The following EEPD1 variants were observed in gnomAD, a reference collection of about 807,000 sequenced individuals.
EEPD1 encodes the protein endonuclease/exonuclease/phosphatase family domain-containing protein 1.
In EEPD1, 17 loss-of-function variants were observed where a neutral mutation model predicts 46.3. The observed-to-expected ratio is 0.37, with a 90% CI of 0.25 to 0.55. EEPD1 has a LOEUF of 0.55. Ranked by LOEUF, EEPD1 falls within the 20% of genes least tolerant of loss-of-function variation. The pLI is 0.83. For synonymous variants in EEPD1, 313 were observed against 315.6 expected (o/e 0.99, Z 0.09); for missense variants, 673 against 745.6 (o/e 0.90, Z 1.13).
At chr7:36,252,830 T>TA (rs1491372806) in intron 3 of EEPD1, among the ~76,000 whole-genome samples, 79 of 8,326 alleles carry the variant, frequency 9.5e-3, no homozygotes, top group Non-Finnish European at 0.023. Context: ...TGTTCTCTCC[T>TA]TTTTTTTTTT....
At chr7:36,243,483 A>C (rs923842194) in intron 3 of EEPD1, among the ~76,000 whole-genome samples, 4 of 152,132 alleles carry the variant, frequency 2.6e-5, no homozygotes, top group South Asian at 4.1e-4. Context: ...GCAAACCTCA[A>C]ACCTCTTTTA....
chr7:36,273,016 T>A (rs1190164353), intron 3 of EEPD1, among the ~76,000 whole-genome samples: 1 of 152,222 alleles, frequency 6.6e-6, no homozygotes, highest in Non-Finnish European at 1.5e-5. Flanking sequence ...GTGTGAAATC[T>A]GGGTCATCAG....
intron 2 of EEPD1, among the ~76,000 whole-genome samples, chr7:36,203,396 G>A (rs1473723123): frequency 6.6e-6 from 1 of 152,194 alleles, no homozygotes; most frequent in Non-Finnish European, 1.5e-5. Flanking sequence ...AGATAAGCAA[G>A]GGAAAGCGGA....
chr7:36,260,352 G>T (rs187141285), intron 3 of EEPD1, among the ~76,000 whole-genome samples: 1 of 152,266 alleles, frequency 6.6e-6, no homozygotes, highest in Admixed American at 6.5e-5. Flanking sequence ...CTCTTTCAGC[G>T]CTTTGAATAT....
At chr7:36,165,209 G>C (rs1251446969) in intron 2 of EEPD1, among the ~76,000 whole-genome samples, 3 of 152,196 alleles carry the variant, frequency 2.0e-5, no homozygotes, top group Non-Finnish European at 4.4e-5. Context: ...CTACACAGTT[G>C]TACCATATTT....
rs768624440 is a variant in EEPD1, at chr7:36,154,981, G to C, written c.657G>C (p.Pro219=). Residue 219 remains proline, a synonymous_variant, in exon 2 of 8, where the codon CCG becomes CCC. Transcript: ENST00000242108. This position sits in a 1 kb window ranked among gnomAD's most constrained non-coding sequence, Gnocchi z 4.2. ...TGACCTTCACCGCCAAGCCTCACCC[G>C]AGCCCCACTTCCCTGAGCCTGCAGA... is the stretch of plus-strand genomic sequence containing the variant. ...GGLTFTAKPH[P]SPTSLSLQSE... 1 of 1,613,514 alleles carries C rather than the reference G, an allele frequency of 6.2e-7. No homozygotes were observed. The highest frequency in any genetic ancestry group is 1.1e-5 in the South Asian group (1 of 91,020).
At chr7:36,207,752 A>G (rs777387593) in intron 2 of EEPD1, among the ~76,000 whole-genome samples, 1 of 152,180 alleles carries the variant, frequency 6.6e-6, no homozygotes, top group Non-Finnish European at 1.5e-5. Flanking sequence ...AAAGTTCAGT[A>G]AGGATGTGTG....
At position 36,299,075 on chromosome 7, in the gene EEPD1, G is replaced by T. The variant is rs1185586230; in HGVS notation, c.1579G>T (p.Val527Leu). Residue 527 changes from valine to leucine, a missense_variant, in exon 8 of 8, where the codon GTG becomes TTG. Coordinates refer to ENST00000242108, the MANE Select transcript of EEPD1 (RefSeq NM_030636.3). The part of the protein sequence containing the change: ...WIPDNWSWGG[V>L]ASEHCPVLAE... ...TCCGGATAACTGGTCTTGGGGCGGG[G>T]TGGCTTCTGAACACTGCCCAGTGCT... 1.2e-6 allele frequency: 2 copies of T among 1,614,002 alleles called. No individual in the cohort carries two copies. The highest frequency in any genetic ancestry group is 1.7e-5 in the Admixed American group (1 of 60,004).
intron 2 of EEPD1, among the ~76,000 whole-genome samples, chr7:36,195,105 C>T (rs1255180129): frequency 5.3e-5 from 8 of 152,132 alleles, no homozygotes; most frequent in Admixed American, 6.5e-5. Context: ...TGGTAAGGTC[C>T]CAGACAACAG....
intron 2 of EEPD1, among the ~76,000 whole-genome samples, chr7:36,212,400 C>T (rs1785950189): frequency 6.6e-6 from 1 of 150,944 alleles, no homozygotes; most frequent in African/African-American, 2.4e-5. Flanking sequence ...AAATGCATCC[C>T]ATATATATGC....
At chr7:36,158,326 G>A (rs771111103) in intron 2 of EEPD1, among the ~76,000 whole-genome samples, 3 of 75,452 alleles carry the variant, frequency 4.0e-5, no homozygotes, top group Non-Finnish European at 5.4e-5. Flanking sequence ...CTCATCAGGC[G>A]CACTTGCTAA....
intron 2 of EEPD1, among the ~76,000 whole-genome samples, chr7:36,157,959 G>A (rs1374679250): frequency 6.6e-6 from 1 of 152,208 alleles, no homozygotes; most frequent in African/African-American, 2.4e-5. Flanking sequence ...GAGCAAGAAT[G>A]GGTGCAGGTG....
intron 2 of EEPD1, among the ~76,000 whole-genome samples, chr7:36,201,072 A>G (rs563546883): frequency 2.6e-5 from 4 of 152,308 alleles, no homozygotes; most frequent in South Asian, 2.1e-4. Context: ...CCAAAAATGC[A>G]TAATCAGAAT....
intron 3 of EEPD1, among the ~76,000 whole-genome samples, chr7:36,247,857 G>A (rs567467018): frequency 1.3e-5 from 2 of 152,194 alleles, no homozygotes; most frequent in African/African-American, 4.8e-5. Context: ...CCCAGGTGAT[G>A]GGGAACCAAT....
chr7:36,259,259 G>A (rs1171572618), intron 3 of EEPD1, among the ~76,000 whole-genome samples: 1 of 152,174 alleles, frequency 6.6e-6, no homozygotes, highest in Non-Finnish European at 1.5e-5. Context: ...TGATCTTGCT[G>A]GGAGCTGCAG....
chr7:36,207,257 A>G (rs1458752257), intron 2 of EEPD1, among the ~76,000 whole-genome samples: 1 of 152,190 alleles, frequency 6.6e-6, no homozygotes, highest in Non-Finnish European at 1.5e-5. Flanking sequence ...ATATGAGTGC[A>G]GCTCGGCAAC....
At chr7:36,292,152 C>T (rs537474384) in intron 6 of EEPD1, among the ~76,000 whole-genome samples, 2 of 152,234 alleles carry the variant, frequency 1.3e-5, no homozygotes, top group African/African-American at 4.8e-5. Context: ...CATGTGAGTG[C>T]CCCGTGCCAG....
At chr7:36,203,641 C>T (rs569298025) in intron 2 of EEPD1, among the ~76,000 whole-genome samples, 4 of 152,224 alleles carry the variant, frequency 2.6e-5, no homozygotes, top group Non-Finnish European at 2.9e-5. Context: ...AAAATAGACC[C>T]CAGACCCTTG....
At chr7:36,284,074 G>A (rs1787303157) in intron 4 of EEPD1, among the ~76,000 whole-genome samples, 1 of 152,176 alleles carries the variant, frequency 6.6e-6, no homozygotes, top group African/African-American at 2.4e-5. Flanking sequence ...GCCAGCCCTG[G>A]CACCTCTGAC....
Sources: allele counts gnomAD v4.1 joint callset (sites outside exome capture counted in the v4.1 genomes callset), GRCh38; gene constraint gnomAD v4.1.1; non-coding constraint Gnocchi (gnomAD v3.1); transcripts MANE v1.5; gene names NCBI Gene and HGNC (gene_info 2026-07-23, HGNC 2026-07-21).